The following SORCS3 variants were observed in gnomAD, a reference collection of about 807,000 sequenced individuals.
SORCS3 encodes the protein sortilin related VPS10 domain containing receptor 3, also known as VPS10 domain-containing receptor SorCS3.
In SORCS3, 57 loss-of-function variants were observed where a neutral mutation model predicts 146.3. That is an observed-to-expected ratio of 0.39 (90% CI 0.31 to 0.49). The LOEUF is 0.49. Ranked by LOEUF, SORCS3 falls within the 20% of genes least tolerant of loss-of-function variation. The probability of loss-of-function intolerance (pLI) is 0.92; values close to 1 mark genes in which losing one functional copy is unlikely to be tolerated. For synonymous variants in SORCS3, 653 were observed against 618.5 expected, an observed-to-expected ratio of 1.06 and a Z score of -0.83; for missense variants, 1,341 against 1,575.5, an observed-to-expected ratio of 0.85 and a Z score of 2.52.
rs1343095887 is a variant in SORCS3 at position 105,263,908 on chromosome 10, T to C, written c.*534T>C. On this transcript the variant is annotated 3_prime_UTR_variant, in exon 27 of 27. Transcript: ENST00000369701. ...GTGAGGCTACAGATGGCTTATTGTA[T>C]ATAATTACAATGTAAATAGCTTTTT... 1 of 153,038 alleles carries C rather than the reference T, an allele frequency of 6.5e-6. No individual in the cohort carries two copies. Among genetic ancestry groups the C allele is most frequent in the African/African-American group, 2.4e-5 (1 of 41,454 alleles). The allele number at this position is 153,038 out of a possible 1,614,324, so 9.5% of individuals were successfully genotyped here. A position where few individuals can be genotyped will look rare whatever the true frequency, so the allele number is the denominator to read the frequency against.
chr10:104,926,223 C>T (rs988515445), intron 3 of SORCS3, among the ~76,000 whole-genome samples: 15 of 152,214 alleles, frequency 9.9e-5, no homozygotes, highest in South Asian at 4.1e-4. Context: ...TCTCTTTCCC[C>T]ATCTTCTTCC....
intron 2 of SORCS3, among the ~76,000 whole-genome samples, chr10:104,912,635 A>G (rs1431132303): frequency 6.6e-6 from 1 of 152,212 alleles, no homozygotes; most frequent in Non-Finnish European, 1.5e-5. Context: ...TCATTCATCC[A>G]TTCATTCTTA....
intron 7 of SORCS3, among the ~76,000 whole-genome samples, chr10:105,108,448 G>C (rs1486941175): frequency 6.6e-6 from 1 of 152,082 alleles, no homozygotes; most frequent in Non-Finnish European, 1.5e-5. Context: ...GTATATTGGT[G>C]GCATTTCTTA....
intron 4 of SORCS3, among the ~76,000 whole-genome samples, chr10:104,981,775 C>T (rs941630382): frequency 3.3e-5 from 5 of 152,260 alleles, no homozygotes; most frequent in Middle Eastern, 3.4e-3. Flanking sequence ...GGGGGCCTTC[C>T]GTAGGAGATG....
intron 2 of SORCS3, among the ~76,000 whole-genome samples, chr10:104,843,194 G>C (rs1291176683): frequency 6.6e-6 from 1 of 152,130 alleles, no homozygotes; most frequent in African/African-American, 2.4e-5. Flanking sequence ...GCCTGCTGTA[G>C]GAGAGATTCT....
chr10:105,174,604 G>A (rs1028823877), intron 13 of SORCS3, among the ~76,000 whole-genome samples: 1 of 152,036 alleles, frequency 6.6e-6, no homozygotes, highest in African/African-American at 2.4e-5. Context: ...AGAAATCGCT[G>A]GTCTCAGATC....
intron 1 of SORCS3, among the ~76,000 whole-genome samples, chr10:104,677,434 G>A (rs1272802914): frequency 6.6e-6 from 1 of 152,252 alleles, no homozygotes; most frequent in Non-Finnish European, 1.5e-5. Context: ...AGAATAAAGA[G>A]AGGTTGAATG....
At chr10:105,226,510 T>C (rs1479230756) in intron 20 of SORCS3, among the ~76,000 whole-genome samples, 3 of 151,962 alleles carry the variant, frequency 2.0e-5, no homozygotes, top group Non-Finnish European at 2.9e-5. Context: ...TATTGGCCCA[T>C]AGTTTTCTTT....
At chr10:104,830,184 A>C (rs548303227) in intron 1 of SORCS3, among the ~76,000 whole-genome samples, 3 of 152,268 alleles carry the variant, frequency 2.0e-5, no homozygotes, top group Non-Finnish European at 2.9e-5. Flanking sequence ...TATTTTGCTG[A>C]GGATGATGGC....
intron 1 of SORCS3, among the ~76,000 whole-genome samples, chr10:104,741,006 G>A (rs1365833942): frequency 6.6e-6 from 1 of 151,820 alleles, no homozygotes; most frequent in Non-Finnish European, 1.5e-5. Flanking sequence ...CTGTCACCCA[G>A]GCTAGAATGC....
chr10:104,690,848 C>T (rs2016103173), intron 1 of SORCS3, among the ~76,000 whole-genome samples: 1 of 152,114 alleles, frequency 6.6e-6, no homozygotes, highest in Admixed American at 6.5e-5. Context: ...TCAATGCTTC[C>T]TTTATGGAAG....
intron 20 of SORCS3, among the ~76,000 whole-genome samples, chr10:105,243,736 G>A (rs757993283): frequency 2.0e-5 from 3 of 152,154 alleles, no homozygotes; most frequent in Admixed American, 6.5e-5. Context: ...GCTTAGGACA[G>A]TATCTGTAAT....
chr10:105,194,580 C>G (rs2056534249), intron 14 of SORCS3, among the ~76,000 whole-genome samples: 1 of 152,124 alleles, frequency 6.6e-6, no homozygotes, highest in Non-Finnish European at 1.5e-5. Flanking sequence ...TGCCAAAGAC[C>G]TGAGAATAAA....
chr10:104,863,856 G>C (rs1406503159), intron 2 of SORCS3, among the ~76,000 whole-genome samples: 1 of 152,154 alleles, frequency 6.6e-6, no homozygotes, highest in Non-Finnish European at 1.5e-5. Flanking sequence ...GCATGTGCTG[G>C]AGTCCAGCCA....
intron 2 of SORCS3, among the ~76,000 whole-genome samples, chr10:104,876,324 C>T (rs1049051079): frequency 6.6e-6 from 1 of 152,184 alleles, no homozygotes; most frequent in Non-Finnish European, 1.5e-5. Context: ...TATTTTAATA[C>T]TGTCACCCTG....
intron 5 of SORCS3, among the ~76,000 whole-genome samples, chr10:105,049,145 A>C (rs2055394258): frequency 6.6e-6 from 1 of 152,122 alleles, no homozygotes; most frequent in Non-Finnish European, 1.5e-5. Flanking sequence ...TTCAATAATA[A>C]GACCCCAATT....
chr10:104,993,272 G>A (rs2055005289), intron 4 of SORCS3, among the ~76,000 whole-genome samples: 1 of 152,212 alleles, frequency 6.6e-6, no homozygotes, highest in African/African-American at 2.4e-5. Flanking sequence ...GAGGTGCACT[G>A]TAGAGGGGAT....
chr10:105,178,036 G>A (rs1416559195), intron 13 of SORCS3, 30 bp from the exon 14 acceptor site: 2 of 1,532,980 alleles, frequency 1.3e-6, no homozygotes, highest in Non-Finnish European at 9.0e-7. Context: ...ATTTTCAGCT[G>A]TCTTTTTTGT....
At chr10:105,065,959 A>C (rs2055520013) in intron 5 of SORCS3, among the ~76,000 whole-genome samples, 1 of 152,188 alleles carries the variant, frequency 6.6e-6, no homozygotes, top group Non-Finnish European at 1.5e-5. Context: ...AAACTTTGAA[A>C]AGTAGCTCCC....
Sources: gnomAD v4.1 joint callset for allele counts (sites outside exome capture counted in the v4.1 genomes callset) on GRCh38, gnomAD v4.1.1 for gene constraint, MANE v1.5 for transcripts, NCBI Gene and HGNC (gene_info 2026-07-23, HGNC 2026-07-21) for gene names.